MGAT5: variants seen among roughly 807,000 people sequenced by gnomAD.
The protein encoded by MGAT5 is alpha-1,6-mannosylglycoprotein 6-beta-N-acetylglucosaminyltransferase A.
In MGAT5, 30 loss-of-function variants were observed where a neutral mutation model predicts 94.3. The observed-to-expected ratio is 0.32, with a 90% CI of 0.24 to 0.43. MGAT5 has a LOEUF of 0.43. Ranked by LOEUF, MGAT5 falls within the 20% of genes least tolerant of loss-of-function variation. The probability of loss-of-function intolerance (pLI) is 1.00; values close to 1 mark genes in which losing one functional copy is unlikely to be tolerated. For synonymous variants in MGAT5, 310 were observed against 322.9 expected (o/e 0.96, Z 0.43); for missense variants, 691 against 905.5 (o/e 0.76, Z 3.04).
intron 1 of MGAT5, among the ~76,000 whole-genome samples, chr2:134,238,829 G>GCT (rs1469632941): frequency 6.6e-6 from 1 of 152,090 alleles, no homozygotes; most frequent in African/African-American, 2.4e-5. Context: ...TGTAATCCCA[G>GCT]CTACTGGGGA....
At chr2:134,363,685 A>C (rs1680243749) in intron 10 of MGAT5, among the ~76,000 whole-genome samples, 1 of 152,224 alleles carries the variant, frequency 6.6e-6, no homozygotes. Flanking sequence ...CAGTAATTCC[A>C]AAGGTGGAAA....
intron 9 of MGAT5, among the ~76,000 whole-genome samples, chr2:134,350,364 C>G (rs186704228): frequency 6.0e-4 from 91 of 152,188 alleles, no homozygotes; most frequent in African/African-American, 2.1e-3. Flanking sequence ...AAGCATCAAA[C>G]TTTTTAAAGA....
intron 1 of MGAT5, among the ~76,000 whole-genome samples, chr2:134,201,122 C>G (rs1679765619): frequency 6.6e-6 from 1 of 151,958 alleles, no homozygotes; most frequent in Non-Finnish European, 1.5e-5. Context: ...TAAGGATGCC[C>G]TCTGTGCTTG....
At chr2:134,131,674 G>T (rs1686179911) in intron 1 of MGAT5, among the ~76,000 whole-genome samples, 1 of 143,064 alleles carries the variant, frequency 7.0e-6, no homozygotes, top group Non-Finnish European at 1.5e-5. Context: ...CTATAACTTT[G>T]CAGGTTCTCT....
chr2:134,373,288 C>T (rs1320664903), intron 10 of MGAT5, among the ~76,000 whole-genome samples: 1 of 152,130 alleles, frequency 6.6e-6, no homozygotes, highest in East Asian at 1.9e-4. Context: ...CTTTGGTGCC[C>T]AGAAGATGAG....
At chr2:134,266,778 A>G (rs1215542819) in intron 1 of MGAT5, among the ~76,000 whole-genome samples, 2 of 151,976 alleles carry the variant, frequency 1.3e-5, no homozygotes, top group East Asian at 2.0e-4. Context: ...AACATCCTTA[A>G]TCTTGGGTTG....
At chr2:134,372,891 C>G (rs970195711) in intron 10 of MGAT5, among the ~76,000 whole-genome samples, 3 of 152,248 alleles carry the variant, frequency 2.0e-5, no homozygotes, top group Admixed American at 6.5e-5. Context: ...AGCAGAGGGT[C>G]TCCTGCGAAC....
At chr2:134,314,528 G>A (rs1159636178) in intron 2 of MGAT5, among the ~76,000 whole-genome samples, 1 of 152,166 alleles carries the variant, frequency 6.6e-6, no homozygotes, top group East Asian at 1.9e-4. Flanking sequence ...GGTTCCTCAT[G>A]TGCTAGGAGG....
chr2:134,435,432 A>C (rs1445224597), intron 14 of MGAT5, among the ~76,000 whole-genome samples: 1 of 152,160 alleles, frequency 6.6e-6, no homozygotes, highest in Non-Finnish European at 1.5e-5. Flanking sequence ...GTGATGCCTT[A>C]TCAGGACATC....
At chr2:134,150,184 G>T (rs1465146837) in intron 1 of MGAT5, among the ~76,000 whole-genome samples, 1 of 152,192 alleles carries the variant, frequency 6.6e-6, no homozygotes, top group Non-Finnish European at 1.5e-5. Flanking sequence ...GAGCACTTAG[G>T]TGCTAGATGT....
chr2:134,181,125 A>T (rs1360550198), intron 1 of MGAT5, among the ~76,000 whole-genome samples: 1 of 152,198 alleles, frequency 6.6e-6, no homozygotes, highest in East Asian at 1.9e-4. Flanking sequence ...GTACTCTTCC[A>T]AAGATGTTCT....
chr2:134,152,609 T>C (rs1029517196), intron 1 of MGAT5, among the ~76,000 whole-genome samples: 7 of 152,268 alleles, frequency 4.6e-5, no homozygotes, highest in Non-Finnish European at 8.8e-5. Flanking sequence ...TCAATGTCTT[T>C]TTAATTTTTT....
intron 1 of MGAT5, among the ~76,000 whole-genome samples, chr2:134,134,017 A>G (rs10200776): frequency 0.2 from 30,295 of 152,044 alleles, 3,410 homozygotes; most frequent in African/African-American, 0.31. Flanking sequence ...TAGGACCCCA[A>G]TATCAGAAAT....
chr2:134,448,826 T>C lies in MGAT5; in HGVS notation c.2205T>C (p.Ala735=), dbSNP rs375104262. Residue 735 remains alanine, a synonymous_variant, in exon 16 of 16, where the codon GCT becomes GCC. Transcript: ENST00000281923. ...PCRDFIKGQV[A]LCKDCL is the part of the protein sequence containing the mutation. ...GGGACTTCATCAAGGGCCAGGTGGCTCTCTGCAAAGACTGCCTATAGCAGC... is the reference window on the plus strand; with the variant it reads ...GGGACTTCATCAAGGGCCAGGTGGCCCTCTGCAAAGACTGCCTATAGCAGC... The C allele has an allele frequency of 3.7e-6, 6 of 1,613,486 alleles. No homozygotes were observed. The highest frequency in any genetic ancestry group is 1.1e-5 in the South Asian group (1 of 91,062).
chr2:134,178,261 CA>C (rs1285289556), intron 1 of MGAT5, among the ~76,000 whole-genome samples: 2 of 152,276 alleles, frequency 1.3e-5, no homozygotes, highest in East Asian at 3.9e-4. Flanking sequence ...GCATTTCTAA[CA>C]GATTCTAATA....
Position 134,254,343 on chromosome 2 carries a change from T to C in MGAT5, c.-61T>C. ...AGACTCTCACACTCAACCTACACCA[T>C]GAATTTGTGTCTATCTTCTACGCGT... On this transcript the variant is annotated 5_prime_UTR_variant, in exon 1 of 16. The change abolishes an upstream ATG in the 5' untranslated region. Coordinates refer to ENST00000281923, the MANE Select transcript of MGAT5 (RefSeq NM_002410.5). 1.3e-6 allele frequency: 2 copies of C among 1,587,696 alleles called. No homozygotes were observed. The highest frequency in any genetic ancestry group is 1.7e-6 in the Non-Finnish European group (2 of 1,165,714).
At chr2:134,357,978 A>G (rs1187535254) in intron 9 of MGAT5, among the ~76,000 whole-genome samples, 6 of 152,032 alleles carry the variant, frequency 3.9e-5, no homozygotes, top group African/African-American at 1.4e-4. Flanking sequence ...TTTTCAATGA[A>G]TTTTTTTCTA....
chr2:134,313,185 C>A (rs1461244734), intron 2 of MGAT5, among the ~76,000 whole-genome samples: 2 of 151,844 alleles, frequency 1.3e-5, no homozygotes, highest in Admixed American at 6.6e-5. Flanking sequence ...TCTCTCGATA[C>A]GTGTGTGTCT....
In MGAT5 at chr2:134,142,277, C is replaced by T. The variant is rs575227373; in HGVS notation, c.-143+21986C>T. Among the ~76,000 whole-genome samples, 3 of 152,130 alleles carry T rather than the reference C, an allele frequency of 2.0e-5. No individual in the cohort carries two copies. In the South Asian group the frequency reaches 6.2e-4, roughly 32 times the overall value. ...AAAGTCAGGAGACCAGATGATACCA[C>T]CCCGAAAAGAGTGTTAACCTGGAAG... On this transcript the variant is annotated intron_variant, in intron 1 of 16. Coordinates refer to the MGAT5 transcript ENST00000409645.
Sources: gnomAD v4.1 joint callset for allele counts (sites outside exome capture counted in the v4.1 genomes callset) on GRCh38, gnomAD v4.1.1 for gene constraint, MANE v1.5 for transcripts, NCBI Gene and HGNC (gene_info 2026-07-23, HGNC 2026-07-21) for gene names.